Variants in GPR158 observed in about 807,000 individuals in gnomAD.
GPR158 encodes G protein-coupled receptor 158, also known as metabotropic glycine receptor.
A neutral mutation model predicts 78.2 loss-of-function variants in GPR158; 30 were observed. That is an observed-to-expected ratio of 0.38 (90% CI 0.29 to 0.52). The LOEUF is 0.52. GPR158 is among the 20% of genes least tolerant of loss of function. The probability of loss-of-function intolerance (pLI) is 0.83; values close to 1 mark genes in which losing one functional copy is unlikely to be tolerated. For synonymous variants in GPR158, 581 were observed against 591.1 expected, an observed-to-expected ratio of 0.98 and a Z score of 0.25; for missense variants, 1,463 against 1,523.5, an observed-to-expected ratio of 0.96 and a Z score of 0.66.
intron 2 of GPR158, among the ~76,000 whole-genome samples, chr10:25,228,041 A>G (rs898832687): frequency 2.0e-5 from 3 of 152,116 alleles, no homozygotes; most frequent in African/African-American, 7.2e-5. Context: ...TCTTTGTTCT[A>G]CCTGTTTTTT....
intron 2 of GPR158, among the ~76,000 whole-genome samples, chr10:25,256,786 C>T (rs1236327915): frequency 1.3e-5 from 2 of 152,088 alleles, no homozygotes; most frequent in African/African-American, 2.4e-5. Context: ...TAGATATGCT[C>T]AGCAAATCTG....
intron 6 of GPR158, among the ~76,000 whole-genome samples, chr10:25,570,122 A>G (rs1836984618): frequency 6.6e-6 from 1 of 152,224 alleles, no homozygotes; most frequent in Non-Finnish European, 1.5e-5. Context: ...TATGATTACA[A>G]CTTTCTGCTA....
chr10:25,239,276 G>T (rs931490252), intron 2 of GPR158, among the ~76,000 whole-genome samples: 2 of 152,066 alleles, frequency 1.3e-5, no homozygotes, highest in African/African-American at 2.4e-5. Context: ...ACGCCCAGCC[G>T]CAACCAAACT....
At chr10:25,490,810 T>A (rs1835799947) in intron 5 of GPR158, among the ~76,000 whole-genome samples, 1 of 151,752 alleles carries the variant, frequency 6.6e-6, no homozygotes, top group African/African-American at 2.4e-5. Context: ...ATATACCCAG[T>A]AATGGGATGG....
chr10:25,256,153 A>G (rs1853885627), intron 2 of GPR158, among the ~76,000 whole-genome samples: 1 of 151,820 alleles, frequency 6.6e-6, no homozygotes, highest in African/African-American at 2.4e-5. Context: ...TTGCCATACT[A>G]TTAATTAGTA....
At chr10:25,389,439 C>G (rs1834264727) in intron 2 of GPR158, among the ~76,000 whole-genome samples, 1 of 152,178 alleles carries the variant, frequency 6.6e-6, no homozygotes. Context: ...AGAGGAGACT[C>G]TCTGCTGAGA....
At chr10:25,559,366 C>T (rs923909839) in intron 6 of GPR158, among the ~76,000 whole-genome samples, 1 of 152,096 alleles carries the variant, frequency 6.6e-6, no homozygotes, top group Admixed American at 6.5e-5. Context: ...GTAAGACACT[C>T]TCATATTATG....
intron 8 of GPR158, 36 bp downstream of exon 8, chr10:25,589,181 A>T: frequency 6.7e-7 from 1 of 1,493,648 alleles, no homozygotes; most frequent in Admixed American, 1.8e-5. Flanking sequence ...TAACTATTTT[A>T]TTTTTCTGAT....
intron 1 of GPR158, among the ~76,000 whole-genome samples, chr10:25,192,902 A>G (rs1306575568): frequency 6.6e-6 from 1 of 152,236 alleles, no homozygotes; most frequent in South Asian, 2.1e-4. Flanking sequence ...TTAGTAAAAA[A>G]TAGGCTTTAT....
At chr10:25,308,791 G>A (rs879785518) in intron 2 of GPR158, among the ~76,000 whole-genome samples, 4 of 151,996 alleles carry the variant, frequency 2.6e-5, no homozygotes, top group South Asian at 4.1e-4. Flanking sequence ...CATACCTCAC[G>A]TAAGTGAATC....
At chr10:25,186,960 ATT>A (rs1172184108) in intron 1 of GPR158, among the ~76,000 whole-genome samples, 126 of 119,232 alleles carry the variant, frequency 1.1e-3, no homozygotes, top group African/African-American at 3.8e-3. Context: ...TCCCTAACTC[ATT>A]TTTTTTTTTT....
chr10:25,588,491 A>G (rs935498269), intron 7 of GPR158, among the ~76,000 whole-genome samples: 2 of 152,246 alleles, frequency 1.3e-5, no homozygotes, highest in Non-Finnish European at 2.9e-5. Context: ...TATTTATAAA[A>G]TATGCCACTG....
chr10:25,348,616 G>C (rs1388044005), intron 2 of GPR158, among the ~76,000 whole-genome samples: 2 of 151,942 alleles, frequency 1.3e-5, no homozygotes, highest in Admixed American at 1.3e-4. Context: ...AATAGAAACT[G>C]AACACTTATC....
At chr10:25,474,051 G>T (rs1162446753) in intron 5 of GPR158, among the ~76,000 whole-genome samples, 1 of 152,112 alleles carries the variant, frequency 6.6e-6, no homozygotes, top group Admixed American at 6.6e-5. Context: ...GGAAGCAGAA[G>T]AGAGACAACC....
chr10:25,381,605 G>A (rs1298734501), intron 2 of GPR158, among the ~76,000 whole-genome samples: 1 of 152,042 alleles, frequency 6.6e-6, no homozygotes, highest in African/African-American at 2.4e-5. Flanking sequence ...TAAATAGGAG[G>A]GACATGGTTT....
chr10:25,289,456 G>A (rs148380063), intron 2 of GPR158, among the ~76,000 whole-genome samples: 1,569 of 151,948 alleles, frequency 0.01, 21 homozygotes, highest in South Asian at 0.058. Flanking sequence ...TTTTTGAGGC[G>A]GAGTCTTGCT....
At chr10:25,539,805 T>C (rs897014878) in intron 5 of GPR158, among the ~76,000 whole-genome samples, 4 of 152,172 alleles carry the variant, frequency 2.6e-5, no homozygotes, top group African/African-American at 9.7e-5. Flanking sequence ...TAAAGCTGCA[T>C]TAGGTACTTT....
chr10:25,241,299 CT>C (rs1169813426), intron 2 of GPR158, among the ~76,000 whole-genome samples: 5 of 100,578 alleles, frequency 5.0e-5, no homozygotes, highest in African/African-American at 2.2e-4. Context: ...CTTTTCTTTT[CT>C]TTTCTTTTCT....
At chr10:25,504,690 A>G (rs1588890326) in intron 5 of GPR158, among the ~76,000 whole-genome samples, 1 of 152,044 alleles carries the variant, frequency 6.6e-6, no homozygotes, top group Non-Finnish European at 1.5e-5. Context: ...CTCACCTCCT[A>G]CCTGCAGGAG....
Sources: allele counts gnomAD v4.1 joint callset (sites outside exome capture counted in the v4.1 genomes callset), GRCh38; gene constraint gnomAD v4.1.1; transcripts MANE v1.5; gene names NCBI Gene and HGNC (gene_info 2026-07-23, HGNC 2026-07-21).